PTPRD: variants seen among roughly 807,000 people sequenced by gnomAD.
The protein encoded by PTPRD is protein tyrosine phosphatase receptor type D.
A neutral mutation model predicts 214.5 loss-of-function variants in PTPRD; 34 were observed. The observed-to-expected ratio is 0.16, with a 90% CI of 0.12 to 0.21. The LOEUF (loss-of-function observed/expected upper bound fraction) is 0.21. Among genes scored for constraint, PTPRD ranks in the 10% least tolerant of loss-of-function variants. The pLI, the probability that PTPRD is intolerant of heterozygous loss-of-function variation, is 1.00. For missense variants in PTPRD, 2,545 were observed against 2,398.7 expected (o/e 1.06, Z -1.27); for synonymous variants, 1,128 against 845.7 (o/e 1.33, Z -5.79).
chr9:10,217,458 G>C (rs2099546830), intron 3 of PTPRD, among the ~76,000 whole-genome samples: 1 of 151,760 alleles, frequency 6.6e-6, no homozygotes, highest in African/African-American at 2.4e-5. Flanking sequence ...GTGAACAGAA[G>C]GCAAGTATAT....
chr9:9,329,883 C>G (rs895664422), intron 9 of PTPRD, among the ~76,000 whole-genome samples: 3 of 152,150 alleles, frequency 2.0e-5, no homozygotes, highest in African/African-American at 7.2e-5. Flanking sequence ...TCTACATAAG[C>G]CAATTCCCTC....
intron 5 of PTPRD, among the ~76,000 whole-genome samples, chr9:9,786,392 G>A (rs1361864609): frequency 1.3e-5 from 2 of 152,180 alleles, no homozygotes; most frequent in Non-Finnish European, 2.9e-5. Flanking sequence ...TCAAGAACCT[G>A]AAGAATTTTA....
At chr9:10,399,832 A>G (rs902958726) in intron 2 of PTPRD, among the ~76,000 whole-genome samples, 8 of 151,854 alleles carry the variant, frequency 5.3e-5, no homozygotes, top group African/African-American at 1.4e-4. Flanking sequence ...GAAACCTACA[A>G]GTGGTGGGAA....
At chr9:10,080,707 T>C (rs909011866) in intron 3 of PTPRD, among the ~76,000 whole-genome samples, 13 of 152,204 alleles carry the variant, frequency 8.5e-5, no homozygotes, top group Admixed American at 5.2e-4. Flanking sequence ...TGAAAATAAC[T>C]CCCTTTCTTT....
intron 11 of PTPRD, among the ~76,000 whole-genome samples, chr9:8,767,472 T>C (rs1212394776): frequency 6.6e-6 from 1 of 152,110 alleles, no homozygotes; most frequent in Non-Finnish European, 1.5e-5. Flanking sequence ...AAAGATCATT[T>C]ATATAGGAAC....
At chr9:9,290,358 G>A (rs552688380) in intron 9 of PTPRD, among the ~76,000 whole-genome samples, 18 of 151,446 alleles carry the variant, frequency 1.2e-4, no homozygotes, top group Non-Finnish European at 1.8e-4. Context: ...AGATATTAAC[G>A]CCTTGTCATA....
chr9:9,480,474 G>C (rs2095359403), intron 8 of PTPRD, among the ~76,000 whole-genome samples: 1 of 152,008 alleles, frequency 6.6e-6, no homozygotes. Context: ...GAAGTTATAT[G>C]CAAGGCAATA....
intron 5 of PTPRD, among the ~76,000 whole-genome samples, chr9:9,854,133 T>C (rs914121916): frequency 6.6e-6 from 1 of 152,192 alleles, no homozygotes; most frequent in African/African-American, 2.4e-5. Flanking sequence ...CATTGACAGA[T>C]CTCATAAAAT....
At chr9:8,513,241 T>A (rs1325112783) in intron 21 of PTPRD, among the ~76,000 whole-genome samples, 2 of 152,062 alleles carry the variant, frequency 1.3e-5, no homozygotes, top group Non-Finnish European at 2.9e-5. Context: ...ACTGTACTAA[T>A]GTTCACAATC....
chr9:9,046,186 T>G (rs1266703797), intron 10 of PTPRD, among the ~76,000 whole-genome samples: 1 of 152,210 alleles, frequency 6.6e-6, no homozygotes, highest in African/African-American at 2.4e-5. Flanking sequence ...GAATGCACAC[T>G]TCATGCCTCA....
chr9:10,085,302 T>G (rs1028243255), intron 3 of PTPRD, among the ~76,000 whole-genome samples: 1 of 151,838 alleles, frequency 6.6e-6, no homozygotes, highest in African/African-American at 2.4e-5. Flanking sequence ...AACCGATTAT[T>G]TTTAAGTTCC....
At chr9:8,434,506 A>T (rs2095259978) in intron 35 of PTPRD, among the ~76,000 whole-genome samples, 2 of 152,206 alleles carry the variant, frequency 1.3e-5, no homozygotes, top group Non-Finnish European at 1.5e-5. Context: ...TATCCCTGTC[A>T]TCAAGTGGTG....
chr9:9,461,294 C>T (rs147870711), intron 8 of PTPRD, among the ~76,000 whole-genome samples: 1 of 151,974 alleles, frequency 6.6e-6, no homozygotes, highest in Non-Finnish European at 1.5e-5. Flanking sequence ...ACCCATGTAA[C>T]ATACCTGCAC....
chr9:9,675,247 GT>G (rs2096906890), intron 7 of PTPRD, among the ~76,000 whole-genome samples: 1 of 151,774 alleles, frequency 6.6e-6, no homozygotes, highest in Non-Finnish European at 1.5e-5. Flanking sequence ...ATGATTTAAA[GT>G]TTTTGTTTGT....
intron 5 of PTPRD, among the ~76,000 whole-genome samples, chr9:9,847,387 A>G (rs1388305480): frequency 6.6e-6 from 1 of 152,150 alleles, no homozygotes; most frequent in Non-Finnish European, 1.5e-5. Context: ...CATGTCAAAT[A>G]TTTTGATACT....
intron 2 of PTPRD, among the ~76,000 whole-genome samples, chr9:10,478,248 T>A (rs911719748): frequency 3.3e-5 from 5 of 152,186 alleles, no homozygotes; most frequent in Admixed American, 2.6e-4. Context: ...TAAGCATTAT[T>A]ACACTTACAA....
At chr9:8,658,465 A>C (rs141594475) in intron 12 of PTPRD, among the ~76,000 whole-genome samples, 1 of 152,156 alleles carries the variant, frequency 6.6e-6, no homozygotes, top group African/African-American at 2.4e-5. Context: ...TTCAATGAGC[A>C]GTTTTTAATA....
At chr9:9,067,693 A>C (rs2099737076) in intron 10 of PTPRD, among the ~76,000 whole-genome samples, 1 of 152,224 alleles carries the variant, frequency 6.6e-6, no homozygotes, top group African/African-American at 2.4e-5. Context: ...AATAACACAG[A>C]GAGACATCAA....
chr9:9,745,540 G>C (rs764962218), intron 6 of PTPRD, among the ~76,000 whole-genome samples: 2 of 152,078 alleles, frequency 1.3e-5, no homozygotes, highest in Non-Finnish European at 2.9e-5. Flanking sequence ...CCCTTCAGCT[G>C]TGTTCCCATG....
Sources: allele counts gnomAD v4.1 joint callset (sites outside exome capture counted in the v4.1 genomes callset), GRCh38; gene constraint gnomAD v4.1.1; transcripts MANE v1.5; gene names NCBI Gene and HGNC (gene_info 2026-07-23, HGNC 2026-07-21).